Variants in MAPK9 observed in about 807,000 individuals in gnomAD.
The protein encoded by MAPK9 is mitogen-activated protein kinase 9.
In MAPK9, 30 loss-of-function variants were observed where a neutral mutation model predicts 57.1. The ratio of observed to expected loss-of-function variants is 0.53; its 90% CI spans 0.39 to 0.71. The LOEUF is 0.71. MAPK9 is among the 30% of genes least tolerant of loss of function. The probability of loss-of-function intolerance (pLI) is 0.00; values close to 1 mark genes in which losing one functional copy is unlikely to be tolerated. For missense variants in MAPK9, 362 were observed against 521.0 expected (o/e 0.69, Z 2.97); for synonymous variants, 155 against 177.0 (o/e 0.88, Z 0.99).
rs545419824 is a variant in MAPK9 at position 180,279,370 on chromosome 5, C to A, written c.122+1070G>T. Among the ~76,000 whole-genome samples, 12 of 152,282 alleles carry A rather than the reference C, an allele frequency of 7.9e-5. No homozygotes were observed. In the South Asian group the frequency reaches 2.5e-3, roughly 32 times the overall value. ...AGCTGGGCATTCCTTCCAAACAGTC[C>A]CTTTCCCGCCTTAGCTTCTCAAAGA... On this transcript the variant is annotated intron_variant, in intron 2 of 11. Coordinates refer to ENST00000452135, the MANE Select transcript of MAPK9 (RefSeq NM_002752.5).
At chr5:180,244,954 G>A (rs571121106) in intron 7 of MAPK9, among the ~76,000 whole-genome samples, 16 of 152,180 alleles carry the variant, frequency 1.1e-4, no homozygotes, top group African/African-American at 3.1e-4. Context: ...CCAATCCCCC[G>A]TCCTCATCTC....
rs34138036 is a variant in MAPK9 at position 180,255,124 on chromosome 5, A to T, written c.451-5986T>A. 9.9e-3 allele frequency among the ~76,000 whole-genome samples: 1,495 copies of T among 151,480 alleles called. 15 individuals carry two copies. The highest frequency in any genetic ancestry group is 0.033 in the African/African-American group (1,378 of 41,220). On this transcript the variant is annotated intron_variant, in intron 5 of 11. Transcript: ENST00000452135. ...GCCTCCGCCATTCTGAGCGCAACTG[A>T]TCTGTAACTAAGAATTCTACACACA...
chr5:180,291,418 T>C (rs1344782915), intron 1 of MAPK9, among the ~76,000 whole-genome samples: 1 of 152,190 alleles, frequency 6.6e-6, no homozygotes, highest in Non-Finnish European at 1.5e-5. Context: ...GGCGTCTGCA[T>C]ACATTCACAC....
intron 7 of MAPK9, chr5:180,246,035 G>A (rs1758064363): frequency 6.6e-6 from 1 of 152,020 alleles, no homozygotes; most frequent in Non-Finnish European, 1.5e-5. Context: ...ATGTATAGCA[G>A]GAATTTTAAT....
intron 2 of MAPK9, among the ~76,000 whole-genome samples, chr5:180,270,105 T>C (rs1029960217): frequency 2.6e-5 from 4 of 152,232 alleles, no homozygotes; most frequent in Non-Finnish European, 4.4e-5. Context: ...TCAAGTAGCC[T>C]GATTACACAT....
At chr5:180,239,765 C>T (rs1757496351) in intron 10 of MAPK9, among the ~76,000 whole-genome samples, 159 bp downstream of exon 10, 1 of 152,234 alleles carries the variant, frequency 6.6e-6, no homozygotes. Flanking sequence ...CTGTTCTCTT[C>T]AAGTTCATTT....
chr5:180,245,826 G>C (rs1758043902), intron 7 of MAPK9, among the ~76,000 whole-genome samples: 1 of 152,058 alleles, frequency 6.6e-6, no homozygotes, highest in Non-Finnish European at 1.5e-5. Flanking sequence ...TTTCTACCCT[G>C]GGTCGCAAAT....
intron 3 of MAPK9, among the ~76,000 whole-genome samples, chr5:180,267,420 G>A (rs1048680730): frequency 5.3e-5 from 8 of 150,690 alleles, no homozygotes; most frequent in African/African-American, 1.7e-4. Context: ...AAATTAGCTG[G>A]GTGTGGTGGC....
chr5:180,283,859 C>T (rs980507541), intron 1 of MAPK9, among the ~76,000 whole-genome samples: 5 of 152,120 alleles, frequency 3.3e-5, no homozygotes, highest in East Asian at 1.9e-4. Context: ...TCATTTGAAC[C>T]GGGAGGTGGA....
intron 6 of MAPK9, 118 bp downstream of exon 6, chr5:180,248,854 TG>T: frequency 1.1e-6 from 1 of 932,418 alleles, no homozygotes; most frequent in Non-Finnish European, 1.5e-6. Context: ...TGCTATATTC[TG>T]GGTGTAACAG....
intron 2 of MAPK9, 95 bp from the exon 3 acceptor site, chr5:180,269,504 A>C (rs1331684979): frequency 1.7e-6 from 2 of 1,208,196 alleles, no homozygotes; most frequent in East Asian, 2.4e-5. Flanking sequence ...CTTTTTAATA[A>C]GTAACAAGGA....
At chr5:180,240,414 A>T (rs896314695) in intron 9 of MAPK9, among the ~76,000 whole-genome samples, 33 of 152,364 alleles carry the variant, frequency 2.2e-4, no homozygotes, top group Admixed American at 9.1e-4. Flanking sequence ...GGACTGTTAT[A>T]AAAGTCTGCT....
At chr5:180,273,441 G>C (rs554952502) in intron 2 of MAPK9, among the ~76,000 whole-genome samples, 1 of 151,582 alleles carries the variant, frequency 6.6e-6, no homozygotes, top group South Asian at 2.1e-4. Flanking sequence ...TGGCCAGGCT[G>C]GTCTTGAACT....
chr5:180,267,256 T>G (rs1392540509), intron 3 of MAPK9, among the ~76,000 whole-genome samples: 1 of 152,048 alleles, frequency 6.6e-6, no homozygotes, highest in African/African-American at 2.4e-5. Context: ...CTGAAAAAAT[T>G]TTTTAAATAA....
intron 2 of MAPK9, among the ~76,000 whole-genome samples, chr5:180,273,743 G>A (rs1761572891): frequency 6.6e-6 from 1 of 152,110 alleles, no homozygotes; most frequent in Non-Finnish European, 1.5e-5. Flanking sequence ...TAAAAGGCTA[G>A]CCTTTCCTCA....
intron 2 of MAPK9, among the ~76,000 whole-genome samples, chr5:180,270,483 C>G (rs1761153767): frequency 6.6e-6 from 1 of 152,146 alleles, no homozygotes; most frequent in African/African-American, 2.4e-5. Context: ...AAGGATATAT[C>G]CACTTGTGAA....
chr5:180,249,055 A>G lies in MAPK9; in HGVS notation c.534T>C (p.Thr178=). The stretch of plus-strand genomic sequence containing the variant: ...CCACGTAAGGGGTCATCATGAAGTT[A>G]GTGCACGCTGTCCGGGCCAGGCCAA... ...LDFGLARTAC[T]NFMMTPYVVT... is the part of the protein sequence containing the mutation. Residue 178 remains threonine, a synonymous_variant, in exon 6 of 12, where the codon ACT becomes ACC. Coordinates refer to ENST00000452135, the MANE Select transcript of MAPK9 (RefSeq NM_002752.5). The G allele has an allele frequency of 1.2e-6, 2 of 1,614,092 alleles. No homozygotes were observed. Among genetic ancestry groups the G allele is most frequent in the Non-Finnish European group, 1.7e-6 (2 of 1,179,976 alleles).
intron 2 of MAPK9, among the ~76,000 whole-genome samples, chr5:180,276,307 T>G (rs1308280179): frequency 6.6e-6 from 1 of 152,252 alleles, no homozygotes; most frequent in African/African-American, 2.4e-5. Context: ...AGGCTGTAAC[T>G]GTTACTTCTA....
intron 5 of MAPK9, among the ~76,000 whole-genome samples, chr5:180,253,920 C>T (rs1758980037): frequency 6.6e-6 from 1 of 151,480 alleles, no homozygotes. Flanking sequence ...AACAATTTAC[C>T]CATTCACTCA....
Sources: allele counts gnomAD v4.1 joint callset (sites outside exome capture counted in the v4.1 genomes callset), GRCh38; gene constraint gnomAD v4.1.1; transcripts MANE v1.5; gene names NCBI Gene and HGNC (gene_info 2026-07-23, HGNC 2026-07-21).